PRKCZ: variants seen among roughly 807,000 people sequenced by gnomAD.
The protein encoded by PRKCZ is protein kinase C zeta type.
In PRKCZ, 33 loss-of-function variants were observed where a neutral mutation model predicts 79.5. That is an observed-to-expected ratio of 0.41 (90% CI 0.31 to 0.55). The LOEUF (loss-of-function observed/expected upper bound fraction) is 0.55. Ranked by LOEUF, PRKCZ falls within the 20% of genes least tolerant of loss-of-function variation. PRKCZ has a pLI of 0.19. For missense variants in PRKCZ, 578 were observed against 813.5 expected, an observed-to-expected ratio of 0.71 and a Z score of 3.52; for synonymous variants, 342 against 320.9, an observed-to-expected ratio of 1.07 and a Z score of -0.70.
chr1:2,059,713 AG>A, intron 4 of PRKCZ, 122 bp downstream of exon 4: 1 of 1,333,746 alleles, frequency 7.5e-7, no homozygotes, highest in South Asian at 1.2e-5. Context: ...GCGTCAGGGC[AG>A]GAGCAGCCGT....
intron 4 of PRKCZ, among the ~76,000 whole-genome samples, chr1:2,064,623 C>T (rs981317204): frequency 3.9e-5 from 6 of 152,196 alleles, no homozygotes; most frequent in Non-Finnish European, 8.8e-5. Flanking sequence ...TGAAAAGACT[C>T]CCCATTGGAC....
chr1:2,081,135 C>T (rs1663427027), intron 4 of PRKCZ, among the ~76,000 whole-genome samples: 2 of 152,360 alleles, frequency 1.3e-5, no homozygotes, highest in South Asian at 2.1e-4. Context: ...TGAGGAGCTA[C>T]ATACGTGATG....
At chr1:2,184,559 C>A in intron 16 of PRKCZ, 24 bp from the exon 17 acceptor site, 1 of 1,595,136 alleles carries the variant, frequency 6.3e-7, no homozygotes, top group Non-Finnish European at 8.6e-7. Context: ...GCGGAGCTGA[C>A]CCTTCTCCTA....
chr1:2,159,699 G>A lies in PRKCZ; in HGVS notation c.974+3607G>A, dbSNP rs114382829. Among the ~76,000 whole-genome samples the A allele has an allele frequency of 2.3e-3, 355 of 152,310 alleles. 1 individual carries two copies. The highest frequency in any genetic ancestry group is 8.0e-3 in the African/African-American group (333 of 41,556). On this transcript the variant is annotated intron_variant, in intron 10 of 17. Coordinates refer to ENST00000378567, the MANE Select transcript of PRKCZ (RefSeq NM_002744.6). ...TACAGTTCAACATTAGTCTCACCTC[G>A]TGTGTCCAGATGGAGAGAAACAATT...
At chr1:2,160,916 C>T (rs1571912655) in intron 10 of PRKCZ, among the ~76,000 whole-genome samples, 1 of 152,130 alleles carries the variant, frequency 6.6e-6, no homozygotes, top group East Asian at 1.9e-4. Context: ...GGGGTCTGAC[C>T]CTGGGGTGCT....
intron 5 of PRKCZ, among the ~76,000 whole-genome samples, chr1:2,140,691 A>G (rs964591836): frequency 6.7e-6 from 1 of 150,312 alleles, no homozygotes; most frequent in Non-Finnish European, 1.5e-5. Context: ...CAGGGAGGCC[A>G]GGTGCAGTAG....
At chr1:2,167,616 T>G (rs1683596422) in intron 10 of PRKCZ, among the ~76,000 whole-genome samples, 1 of 152,174 alleles carries the variant, frequency 6.6e-6, no homozygotes, top group Non-Finnish European at 1.5e-5. Context: ...TTTTATTTTA[T>G]TCTTTGAGAC....
chr1:2,153,489 G>T (rs934494156), intron 9 of PRKCZ, among the ~76,000 whole-genome samples: 2 of 152,318 alleles, frequency 1.3e-5, no homozygotes, highest in Admixed American at 1.3e-4. Context: ...CCAGCAGGGC[G>T]TGTCTGTGCA....
intron 4 of PRKCZ, among the ~76,000 whole-genome samples, chr1:2,122,552 C>T (rs867316060): frequency 2.1e-3 from 11 of 5,310 alleles, no homozygotes; most frequent in African/African-American, 0.016. Context: ...GTTAGGGTCA[C>T]GGTGGTGGTT....
Position 2,075,425 on chromosome 1 carries a change from G to GT in PRKCZ, c.334+15834_334+15835insT, listed in dbSNP as rs1662216379. The GT allele has an allele frequency of 6.6e-6, 1 of 152,182 alleles. No homozygotes were observed. 9.4% of individuals were successfully genotyped at this position (152,182 alleles called of 1,614,324 possible). A position where few individuals can be genotyped will look rare whatever the true frequency, so the allele number is the denominator to read the frequency against. ...GGACAGATTGGAGGGGCCACCGGCTGCCCCCCAGAAGCTGTTTCGTGTTGA... is the reference window on the plus strand; with the variant it reads ...GGACAGATTGGAGGGGCCACCGGCTGTCCCCCCAGAAGCTGTTTCGTGTTGA... On this transcript the variant is annotated intron_variant, in intron 4 of 17. Coordinates refer to ENST00000378567, the MANE Select transcript of PRKCZ (RefSeq NM_002744.6). The surrounding 1 kb of genome is among the most constrained non-coding windows in gnomAD (Gnocchi z 4.8).
chr1:2,062,841 A>G (rs926152818), intron 4 of PRKCZ, among the ~76,000 whole-genome samples: 3 of 152,008 alleles, frequency 2.0e-5, no homozygotes, highest in African/African-American at 4.8e-5. Context: ...CGATATTCGC[A>G]TTGCTGTCCA....
At chr1:2,184,896 C>CA in intron 17 of PRKCZ, 26 bp from the exon 18 acceptor site, 1 of 1,599,880 alleles carries the variant, frequency 6.3e-7, no homozygotes, top group Non-Finnish European at 8.6e-7. Flanking sequence ...GGTCACCCCC[C>CA]TCCCCCCTGC....
chr1:2,172,232 C>G lies in PRKCZ; in HGVS notation c.1197+42C>G, dbSNP rs375995321. 1.9e-6 allele frequency: 3 copies of G among 1,613,322 alleles called. No homozygotes were observed. The African/African-American group carries it at 4.0e-5, about 22-fold the overall frequency. ...GCCTCCCCTGACCATCCCGCATGTG[C>G]GTCTCGGGGCGCCTGTCCCGCGGGG... On this transcript the variant is annotated intron_variant, in intron 12 of 17. Coordinates refer to ENST00000378567, the MANE Select transcript of PRKCZ (RefSeq NM_002744.6). This position sits in a 1 kb window ranked among gnomAD's most constrained non-coding sequence, Gnocchi z 7.8.
chr1:2,168,452 C>T lies in PRKCZ; in HGVS notation c.975-1066C>T, dbSNP rs1479276716. The stretch of plus-strand genomic sequence containing the variant: ...ATTCTTCAGGGTGCCCGACTGGCCA[C>T]GTGGACGTCTCTCCAGCTCCTCACT... On this transcript the variant is annotated intron_variant, in intron 10 of 17. Coordinates refer to ENST00000378567, the MANE Select transcript of PRKCZ (RefSeq NM_002744.6). This position sits in a 1 kb window ranked among gnomAD's most constrained non-coding sequence, Gnocchi z 4.7. 6.6e-6 allele frequency among the ~76,000 whole-genome samples: 1 copy of T among 152,190 alleles called. No homozygotes were observed. The highest frequency in any genetic ancestry group is 2.4e-5 in the African/African-American group (1 of 41,440).
chr1:2,059,461 C>T, intron 3 of PRKCZ, 80 bp from the exon 4 acceptor site: 1 of 1,547,580 alleles, frequency 6.5e-7, no homozygotes, highest in Non-Finnish European at 8.9e-7. Context: ...CTCAGCCTGA[C>T]TGAGGCGGGA....
intron 17 of PRKCZ, 32 bp downstream of exon 17, chr1:2,184,730 AC>A (rs1338720060): frequency 3.1e-6 from 5 of 1,589,476 alleles, no homozygotes; most frequent in South Asian, 2.2e-5. Flanking sequence ...TCCCTGGAGC[AC>A]CCCTCGGGCA....
intron 3 of PRKCZ, among the ~76,000 whole-genome samples, chr1:2,058,304 CA>C (rs1472945273): frequency 2.1e-5 from 3 of 146,160 alleles, no homozygotes; most frequent in African/African-American, 8.0e-5. Context: ...TGCCCGGCCC[CA>C]ATTTTTTTTT....
In PRKCZ at chr1:2,178,828, G is replaced by A. The variant is rs1055439659; in HGVS notation, c.1575+3515G>A. 3.9e-5 allele frequency among the ~76,000 whole-genome samples: 6 copies of A among 152,214 alleles called. No homozygotes were observed. The highest frequency in any genetic ancestry group is 5.9e-5 in the Non-Finnish European group (4 of 68,036). On this transcript the variant is annotated intron_variant, in intron 16 of 17. Transcript: ENST00000378567. This position sits in a 1 kb window ranked among gnomAD's most constrained non-coding sequence, Gnocchi z 4.3. ...ACTCAGGGTCTCTTTCACGGACTGC[G>A]GGGAAGGCAGTGGGAGCAGCAGGAA...
At chr1:2,100,860 G>GGC (rs1434808369) in intron 4 of PRKCZ, among the ~76,000 whole-genome samples, 1 of 152,064 alleles carries the variant, frequency 6.6e-6, no homozygotes, top group Non-Finnish European at 1.5e-5. Flanking sequence ...CTATCATTGA[G>GGC]GCATAGTCTT....
Sources: allele counts gnomAD v4.1 joint callset (sites outside exome capture counted in the v4.1 genomes callset), GRCh38; gene constraint gnomAD v4.1.1; non-coding constraint Gnocchi (gnomAD v3.1); transcripts MANE v1.5; gene names NCBI Gene and HGNC (gene_info 2026-07-23, HGNC 2026-07-21).